The following HAUS6 variants were observed in gnomAD, a reference collection of about 807,000 sequenced individuals.
HAUS6 encodes the protein HAUS augmin-like complex subunit 6.
A neutral mutation model predicts 106.8 loss-of-function variants in HAUS6; 80 were observed. The observed-to-expected ratio is 0.75, with a 90% CI of 0.63 to 0.90. The LOEUF is 0.90. Among genes scored for constraint, HAUS6 ranks in the 40% least tolerant of loss-of-function variants. The pLI, the probability that HAUS6 is intolerant of heterozygous loss-of-function variation, is 0.00. For synonymous variants in HAUS6, 356 were observed against 379.1 expected (o/e 0.94, Z 0.71); for missense variants, 1,155 against 1,118.1 (o/e 1.03, Z -0.47).
intron 4 of HAUS6, among the ~76,000 whole-genome samples, chr9:19,091,909 A>G (rs1337842160): frequency 6.6e-6 from 1 of 152,004 alleles, no homozygotes; most frequent in African/African-American, 2.4e-5. Flanking sequence ...TGATCTGCCT[A>G]CCTCAGCCTC....
At chr9:19,090,426 G>C (rs992338378) in intron 4 of HAUS6, among the ~76,000 whole-genome samples, 1 of 152,068 alleles carries the variant, frequency 6.6e-6, no homozygotes, top group African/African-American at 2.4e-5. Flanking sequence ...ATGCAGTGGC[G>C]TGATCTCGGC....
At chr9:19,099,448 G>A (rs1158982784) in intron 1 of HAUS6, among the ~76,000 whole-genome samples, 1 of 151,884 alleles carries the variant, frequency 6.6e-6, no homozygotes, top group African/African-American at 2.4e-5. Flanking sequence ...TTACAGGCGT[G>A]AGCCACCGCA....
intron 7 of HAUS6, among the ~76,000 whole-genome samples, chr9:19,085,884 C>G (rs963103228): frequency 5.9e-5 from 9 of 151,822 alleles, no homozygotes; most frequent in African/African-American, 1.7e-4. Context: ...GTCTAAAAAC[C>G]CTTTTGAATA....
chr9:19,086,741 AT>A lies in HAUS6; in HGVS notation c.691del (p.Ile231PhefsTer11). On this transcript the variant is annotated frameshift_variant, in exon 7 of 17. Transcript: ENST00000380502. LOFTEE classifies it high-confidence loss of function. ...TTTTATAAGTTGTCTCACCTTTTGA[AT>A]TTTTTCTTCCATATTACTGTGGTCA... ...YDDHSNMEEKIQKVRSLWASV... is the reference protein window; with the variant it reads ...YDDHSNMEEKXQKVRSLWASV... The A allele has an allele frequency of 8.0e-7, 1 of 1,247,314 alleles. No homozygotes were observed. Among genetic ancestry groups the A allele is most frequent in the Non-Finnish European group, 1.2e-6 (1 of 858,626 alleles). The allele number at this position is 1,247,314 out of a possible 1,614,324, so 77.3% of individuals were successfully genotyped here.
chr9:19,084,749 C>T (rs1837248113), intron 7 of HAUS6, among the ~76,000 whole-genome samples: 1 of 151,598 alleles, frequency 6.6e-6, no homozygotes, highest in Non-Finnish European at 1.5e-5. Context: ...TCTTGTGCCT[C>T]AGTCACCCAA....
At chr9:19,073,539 G>A (rs1276688147) in intron 11 of HAUS6, among the ~76,000 whole-genome samples, 2 of 150,940 alleles carry the variant, frequency 1.3e-5, no homozygotes, top group Non-Finnish European at 2.9e-5. Context: ...GAATTTCATA[G>A]ATTCGAAGGG....
In HAUS6 at chr9:19,087,205, T is replaced by C. The variant is rs182182676; in HGVS notation, c.585-49A>G. The C allele has an allele frequency of 1.3e-4, 131 of 981,412 alleles. No homozygotes were observed. In the East Asian group the frequency reaches 1.4e-3, roughly 11 times the overall value. 60.8% of individuals were successfully genotyped at this position (981,412 alleles called of 1,614,324 possible). A position where few individuals can be genotyped will look rare whatever the true frequency, so the allele number is the denominator to read the frequency against. On this transcript the variant is annotated intron_variant, in intron 5 of 16. Transcript: ENST00000380502. ...CAACTATAATACCATTACGATTAAT[T>C]AGTATAGCCCACTTCTCTATTTTCC...
intron 11 of HAUS6, 55 bp downstream of exon 11, chr9:19,076,546 GA>G: frequency 1.2e-6 from 1 of 802,372 alleles, no homozygotes; most frequent in Non-Finnish European, 2.1e-6. Context: ...TTATTATAAT[GA>G]AAAAGAATGA....
chr9:19,065,883 G>T (rs1836751446), intron 12 of HAUS6, among the ~76,000 whole-genome samples: 1 of 151,746 alleles, frequency 6.6e-6, no homozygotes, highest in Middle Eastern at 3.4e-3. Context: ...TTAGAATTCT[G>T]CATTTTAAAA....
intron 1 of HAUS6, among the ~76,000 whole-genome samples, chr9:19,100,535 C>G (rs1182609970): frequency 6.6e-6 from 1 of 152,084 alleles, no homozygotes; most frequent in Non-Finnish European, 1.5e-5. Flanking sequence ...CCTTAAAAAA[C>G]TAAAAATAGA....
intron 5 of HAUS6, among the ~76,000 whole-genome samples, chr9:19,087,974 T>C (rs1174859111): frequency 6.6e-6 from 1 of 150,964 alleles, no homozygotes; most frequent in East Asian, 2.0e-4. Flanking sequence ...ATCTGACACA[T>C]AGAAGAAACT....
At chr9:19,079,742 A>T (rs1489028990) in intron 9 of HAUS6, among the ~76,000 whole-genome samples, 3 of 151,800 alleles carry the variant, frequency 2.0e-5, no homozygotes, top group Non-Finnish European at 2.9e-5. Flanking sequence ...ATCCCTACTA[A>T]AAATACAAAA....
intron 14 of HAUS6, among the ~76,000 whole-genome samples, chr9:19,062,686 G>C (rs1403453283): frequency 1.3e-5 from 2 of 152,086 alleles, no homozygotes; most frequent in Non-Finnish European, 2.9e-5. Context: ...TTTTGAAACA[G>C]GGTCTCAGTC....
At chr9:19,093,879 A>G (rs775300767) in intron 3 of HAUS6, among the ~76,000 whole-genome samples, 1 of 152,202 alleles carries the variant, frequency 6.6e-6, no homozygotes, top group Non-Finnish European at 1.5e-5. Flanking sequence ...AAAAAAAAGT[A>G]ATAATAAAAT....
intron 10 of HAUS6, 105 bp downstream of exon 10, chr9:19,078,071 A>T (rs1236977193): frequency 1.2e-6 from 1 of 832,094 alleles, no homozygotes; most frequent in Non-Finnish European, 1.9e-6. Flanking sequence ...GCCAGCTATG[A>T]TCGTGCCACT....
In HAUS6 at chr9:19,054,008, T is replaced by C. The variant is rs553100367; in HGVS notation, c.*2335A>G. Reference sequence around the variant, plus strand: ...ATTAAATGAATAAAAAGATAAACCATAGGAGATTTCAGAGAAGGAGTAGGC... The same window carrying C: ...ATTAAATGAATAAAAAGATAAACCACAGGAGATTTCAGAGAAGGAGTAGGC... On this transcript the variant is annotated 3_prime_UTR_variant, in exon 17 of 17. Transcript: ENST00000380502. 1.6e-4 allele frequency: 25 copies of C among 152,180 alleles called. No individual in the cohort carries two copies. The highest frequency in any genetic ancestry group is 5.1e-4 in the African/African-American group (21 of 41,540). The allele number at this position is 152,180 out of a possible 1,614,324, so 9.4% of individuals were successfully genotyped here.
chr9:19,059,078 C>A (rs1428067408), intron 15 of HAUS6, 77 bp from the exon 16 acceptor site: 1 of 784,968 alleles, frequency 1.3e-6, no homozygotes. Flanking sequence ...TTATTTCTAA[C>A]ACTGAAGATA....
intron 10 of HAUS6, among the ~76,000 whole-genome samples, chr9:19,077,971 G>C (rs1045568892): frequency 3.3e-4 from 50 of 152,076 alleles, no homozygotes; most frequent in African/African-American, 1.2e-3. Flanking sequence ...TGAGGTGGGA[G>C]GATTGCTTGA....
intron 15 of HAUS6, 175 bp downstream of exon 15, chr9:19,059,913 G>A (rs1836570948): frequency 6.1e-6 from 3 of 491,004 alleles, no homozygotes; most frequent in Non-Finnish European, 1.1e-5. Context: ...TACACTGAAG[G>A]CACAAAATAC....
Sources: gnomAD v4.1 joint callset for allele counts (sites outside exome capture counted in the v4.1 genomes callset) on GRCh38, gnomAD v4.1.1 for gene constraint, MANE v1.5 for transcripts, NCBI Gene and HGNC (gene_info 2026-07-23, HGNC 2026-07-21) for gene names.